The following SMG6 variants were observed in gnomAD, a reference collection of about 807,000 sequenced individuals.
The protein encoded by SMG6 is telomerase-binding protein EST1A.
A neutral mutation model predicts 142.2 loss-of-function variants in SMG6; 66 were observed. The ratio of observed to expected loss-of-function variants is 0.46; its 90% CI spans 0.38 to 0.57. SMG6 has a LOEUF of 0.57. Ranked by LOEUF, SMG6 falls within the 20% of genes least tolerant of loss-of-function variation. SMG6 has a pLI of 0.00. For missense variants in SMG6, 1,793 were observed against 1,832.0 expected (o/e 0.98, Z 0.39); for synonymous variants, 779 against 702.4 (o/e 1.11, Z -1.72).
intron 13 of SMG6, among the ~76,000 whole-genome samples, chr17:2,154,592 C>T (rs562425354): frequency 6.6e-6 from 1 of 152,126 alleles, no homozygotes; most frequent in African/African-American, 2.4e-5. Flanking sequence ...AGGCAGAGGT[C>T]TCTGTTTCTC....
chr17:2,303,389 A>T, intron 1 of SMG6: 1 of 1,238,802 alleles, frequency 8.1e-7, no homozygotes, highest in Non-Finnish European at 1.0e-6. Context: ...TCGCGGCGAG[A>T]AAGAGGGTGG....
At chr17:2,189,727 C>T (rs2072101179) in intron 10 of SMG6, among the ~76,000 whole-genome samples, 1 of 152,182 alleles carries the variant, frequency 6.6e-6, no homozygotes. Flanking sequence ...TCCTTACCAT[C>T]TTTGCCCCAG....
chr17:2,083,279 CTT>C (rs764685872), intron 14 of SMG6, among the ~76,000 whole-genome samples: 3 of 152,190 alleles, frequency 2.0e-5, no homozygotes, highest in Non-Finnish European at 4.4e-5. Context: ...GATGGAATCT[CTT>C]GACTGAAAGG....
intron 10 of SMG6, among the ~76,000 whole-genome samples, chr17:2,208,561 C>A (rs1270608196): frequency 6.6e-6 from 1 of 152,158 alleles, no homozygotes; most frequent in Admixed American, 6.5e-5. Context: ...TGGTGCTGAA[C>A]CAATTCGTTT....
At chr17:2,237,429 T>C in intron 9 of SMG6, 12 of 764,216 alleles carry the variant, frequency 1.6e-5, no homozygotes, top group Non-Finnish European at 1.9e-5. Context: ...TATTGTCTTC[T>C]GAGGTACTAT....
At chr17:2,145,345 G>A (rs978610244) in intron 13 of SMG6, among the ~76,000 whole-genome samples, 2 of 149,204 alleles carry the variant, frequency 1.3e-5, no homozygotes, top group African/African-American at 5.0e-5. Flanking sequence ...TTCAACTCCT[G>A]AGCTCAGGCA....
At chr17:2,194,048 C>T (rs1327776186) in intron 10 of SMG6, among the ~76,000 whole-genome samples, 1 of 152,206 alleles carries the variant, frequency 6.6e-6, no homozygotes, top group Non-Finnish European at 1.5e-5. Flanking sequence ...GCCTCGGTCT[C>T]CCAAAGTGCT....
intron 13 of SMG6, among the ~76,000 whole-genome samples, chr17:2,140,379 C>T (rs546007288): frequency 6.6e-6 from 1 of 152,162 alleles, no homozygotes; most frequent in Non-Finnish European, 1.5e-5. Flanking sequence ...TTTTTAAATT[C>T]TTCATATCCA....
intron 10 of SMG6, among the ~76,000 whole-genome samples, chr17:2,230,463 T>C (rs2073458038): frequency 6.6e-6 from 1 of 151,992 alleles, no homozygotes; most frequent in African/African-American, 2.4e-5. Context: ...CACATGGCTA[T>C]CTTGGGGCAA....
At chr17:2,125,639 C>T (rs531610191) in intron 13 of SMG6, among the ~76,000 whole-genome samples, 5 of 152,250 alleles carry the variant, frequency 3.3e-5, no homozygotes, top group African/African-American at 1.2e-4. Flanking sequence ...TCCACAGATC[C>T]ATAAAAACAT....
intron 13 of SMG6, among the ~76,000 whole-genome samples, chr17:2,086,509 C>T (rs999825690): frequency 6.6e-6 from 1 of 152,208 alleles, no homozygotes; most frequent in African/African-American, 2.4e-5. Context: ...AGGAGAGAGA[C>T]AGGCAGAGCA....
In SMG6 at chr17:2,172,811, C is replaced by T; in HGVS notation, c.3204G>A (p.Leu1068=). 1 of 1,614,036 alleles carries T rather than the reference C, an allele frequency of 6.2e-7. No individual in the cohort carries two copies. Among genetic ancestry groups the T allele is most frequent in the Non-Finnish European group, 8.5e-7 (1 of 1,180,002 alleles). Residue 1068 remains leucine (L), a synonymous_variant, in exon 13 of 19, where the codon CTG becomes CTA. Coordinates refer to ENST00000263073, the MANE Select transcript of SMG6 (RefSeq NM_017575.5). Reference sequence around the variant, plus strand: ...GCACCTCAGACTGATTCACTGCAGTCAGTATGTTACAGAAATCAGCCAGCG... The same window carrying T: ...GCACCTCAGACTGATTCACTGCAGTTAGTATGTTACAGAAATCAGCCAGCG... ...WSTLADFCNI[L]TAVNQSEVPL...
At chr17:2,107,005 G>C (rs949959044) in intron 13 of SMG6, among the ~76,000 whole-genome samples, 3 of 152,130 alleles carry the variant, frequency 2.0e-5, no homozygotes, top group Admixed American at 2.0e-4. Context: ...TGTATTTTTA[G>C]TAGAGACGTT....
chr17:2,136,745 C>CT (rs1344625648), intron 13 of SMG6, among the ~76,000 whole-genome samples: 1 of 148,014 alleles, frequency 6.8e-6, no homozygotes, highest in African/African-American at 2.5e-5. Context: ...TTTTTTTTAG[C>CT]TTTTTTGTCT....
chr17:2,216,545 T>C (rs2073025960), intron 10 of SMG6, among the ~76,000 whole-genome samples: 1 of 152,182 alleles, frequency 6.6e-6, no homozygotes, highest in African/African-American at 2.4e-5. Context: ...TAAGACATAA[T>C]TTTTTTAAAT....
intron 13 of SMG6, among the ~76,000 whole-genome samples, chr17:2,125,479 A>C (rs1416510760): frequency 6.6e-6 from 1 of 152,228 alleles, no homozygotes; most frequent in East Asian, 1.9e-4. Flanking sequence ...TAAATTTCCT[A>C]AAATTGAATA....
intron 1 of SMG6, chr17:2,303,001 G>A: frequency 7.1e-6 from 7 of 985,460 alleles, no homozygotes; most frequent in Non-Finnish European, 8.4e-6. Context: ...GAGACACTTA[G>A]AATCTTTCTT....
intron 13 of SMG6, among the ~76,000 whole-genome samples, chr17:2,099,462 T>C (rs937841536): frequency 1.3e-4 from 19 of 151,850 alleles, no homozygotes; most frequent in Non-Finnish European, 2.1e-4. Flanking sequence ...CATTTAATGA[T>C]CTTCAAAGCA....
At chr17:2,180,062 G>GGT (rs2071759872) in intron 12 of SMG6, among the ~76,000 whole-genome samples, 1 of 152,200 alleles carries the variant, frequency 6.6e-6, no homozygotes, top group South Asian at 2.1e-4. Context: ...CACTGCCCTA[G>GGT]CCTTGCCAAA....
Sources: gnomAD v4.1 joint callset for allele counts (sites outside exome capture counted in the v4.1 genomes callset) on GRCh38, gnomAD v4.1.1 for gene constraint, MANE v1.5 for transcripts, NCBI Gene and HGNC (gene_info 2026-07-23, HGNC 2026-07-21) for gene names.